Variants in MTSS1 observed in about 807,000 individuals in gnomAD.
MTSS1 encodes the protein MTSS I-BAR domain containing 1.
Under a neutral mutation model 79.0 loss-of-function variants are expected in MTSS1, and 18 were observed. The observed-to-expected ratio is 0.23, with a 90% CI of 0.16 to 0.34. The LOEUF is 0.34. MTSS1 is among the 10% of genes least tolerant of loss of function. The probability of loss-of-function intolerance (pLI) is 1.00; values close to 1 mark genes in which losing one functional copy is unlikely to be tolerated. For missense variants in MTSS1, 815 were observed against 986.2 expected (o/e 0.83, Z 2.33); for synonymous variants, 341 against 368.6 (o/e 0.93, Z 0.86).
At chr8:124,661,321 AG>A (rs1821984664) in intron 3 of MTSS1, among the ~76,000 whole-genome samples, 1 of 151,542 alleles carries the variant, frequency 6.6e-6, no homozygotes, top group South Asian at 2.1e-4. Context: ...ATTTTCTTCT[AG>A]GTTTTTTTTT....
At chr8:124,564,691 T>TCACACACACACACACACAAACACA (rs1826010480) in intron 9 of MTSS1, 1 of 144,306 alleles carries the variant, frequency 6.9e-6, no homozygotes, top group African/African-American at 2.5e-5. Flanking sequence ...TCTCTTTCAC[T>TCACACACACACACACACAAACACA]CACACACACA....
Position 124,562,785 on chromosome 8 carries a change from G to C in MTSS1, c.1032C>G (p.Asn344Lys), listed in dbSNP as rs772538205. The C allele has an allele frequency of 6.2e-7, 1 of 1,613,784 alleles. No individual in the cohort carries two copies. Among genetic ancestry groups the C allele is most frequent in the African/African-American group, 1.3e-5 (1 of 74,928 alleles). ...SPSPMPPEAP[N>K]QLSNGFSHYS... is the part of the protein sequence containing the mutation. Reference sequence around the variant, plus strand: ...CTGGAGCCAAGGGCACCCTTACCTGGTTGGGGGCCTCTGGCGGCATGGGGG... The same window carrying C: ...CTGGAGCCAAGGGCACCCTTACCTGCTTGGGGGCCTCTGGCGGCATGGGGG... The change falls in exon 10 of 14, where the codon AAC (asparagine) becomes AAG (lysine). Residue 344 changes from asparagine to lysine, a missense_variant. This residue lies in a region of MTSS1 where 590 missense variants were observed against 620.8 expected (regional missense o/e 0.95). Coordinates refer to ENST00000518547, the MANE Select transcript of MTSS1 (RefSeq NM_014751.6).
chr8:124,673,016 G>A (rs1587729239), intron 3 of MTSS1, among the ~76,000 whole-genome samples: 1 of 152,258 alleles, frequency 6.6e-6, no homozygotes, highest in East Asian at 1.9e-4. Context: ...TGCAAGCCAT[G>A]AGGATTTCCT....
intron 6 of MTSS1, among the ~76,000 whole-genome samples, chr8:124,571,793 G>A (rs756105675): frequency 5.3e-5 from 8 of 152,116 alleles, no homozygotes; most frequent in South Asian, 2.1e-4. Context: ...GTGAAACCCC[G>A]TCTCTACTAA....
intron 3 of MTSS1, among the ~76,000 whole-genome samples, chr8:124,644,799 G>A (rs921993904): frequency 3.4e-5 from 5 of 148,964 alleles, no homozygotes; most frequent in East Asian, 2.0e-4. Flanking sequence ...AATGGACATG[G>A]AGAAACCTAA....
chr8:124,610,454 T>A (rs1217044996), intron 3 of MTSS1, among the ~76,000 whole-genome samples: 1 of 152,174 alleles, frequency 6.6e-6, no homozygotes, highest in Non-Finnish European at 1.5e-5. Flanking sequence ...TGGCTGCGCA[T>A]AAAGAAGGGC....
At chr8:124,611,461 C>G (rs1325244955) in intron 3 of MTSS1, among the ~76,000 whole-genome samples, 2 of 152,180 alleles carry the variant, frequency 1.3e-5, no homozygotes, top group Non-Finnish European at 2.9e-5. Flanking sequence ...TGGCATCCCC[C>G]CATTACAGTG....
chr8:124,610,243 C>G (rs936216808), intron 3 of MTSS1, among the ~76,000 whole-genome samples: 1 of 152,104 alleles, frequency 6.6e-6, no homozygotes, highest in Non-Finnish European at 1.5e-5. Context: ...CGAATCAAGT[C>G]GTTTTATTTT....
intron 3 of MTSS1, among the ~76,000 whole-genome samples, chr8:124,656,461 CT>C (rs56809431): frequency 4.8e-3 from 688 of 142,990 alleles, no homozygotes; most frequent in Middle Eastern, 7.1e-3. Context: ...GAGCCAGGAC[CT>C]TTTTTTTTTT....
chr8:124,581,600 C>T (rs1010165820), intron 6 of MTSS1, among the ~76,000 whole-genome samples: 2 of 151,874 alleles, frequency 1.3e-5, no homozygotes, highest in African/African-American at 2.4e-5. Context: ...GGACTACAGG[C>T]GCCCGCCACC....
At chr8:124,695,404 T>C (rs1157043862) in intron 3 of MTSS1, among the ~76,000 whole-genome samples, 2 of 151,666 alleles carry the variant, frequency 1.3e-5, no homozygotes, top group African/African-American at 2.4e-5. Flanking sequence ...CTGGAGAAGG[T>C]AGATATCAAA....
intron 3 of MTSS1, among the ~76,000 whole-genome samples, chr8:124,622,437 C>T (rs902346811): frequency 2.0e-5 from 3 of 148,310 alleles, no homozygotes; most frequent in Non-Finnish European, 4.4e-5. Context: ...TTGAATTATA[C>T]CGGGGATTTC....
intron 3 of MTSS1, among the ~76,000 whole-genome samples, chr8:124,593,623 GCT>G (rs1832243917): frequency 6.6e-6 from 1 of 152,170 alleles, no homozygotes; most frequent in African/African-American, 2.4e-5. Flanking sequence ...GACGTACAGC[GCT>G]TAGGATGTGC....
chr8:124,586,082 A>G (rs1433505039), intron 5 of MTSS1, among the ~76,000 whole-genome samples: 1 of 152,104 alleles, frequency 6.6e-6, no homozygotes, highest in African/African-American at 2.4e-5. Flanking sequence ...AGACTGCCCC[A>G]TTTCTGTTGC....
At chr8:124,671,635 G>A (rs1450945841) in intron 3 of MTSS1, among the ~76,000 whole-genome samples, 2 of 152,176 alleles carry the variant, frequency 1.3e-5, no homozygotes, top group Non-Finnish European at 2.9e-5. Flanking sequence ...ATTGGAGAAG[G>A]ATTCATGGCA....
chr8:124,647,142 G>T (rs113439106), intron 3 of MTSS1, among the ~76,000 whole-genome samples: 1 of 152,136 alleles, frequency 6.6e-6, no homozygotes, highest in African/African-American at 2.4e-5. Flanking sequence ...GAGCCACCAC[G>T]CAGTCATTCC....
At chr8:124,586,485 C>G (rs952863898) in intron 5 of MTSS1, among the ~76,000 whole-genome samples, 3 of 152,180 alleles carry the variant, frequency 2.0e-5, no homozygotes, top group African/African-American at 7.2e-5. Flanking sequence ...CTCCCTGTAT[C>G]TCTCTCCCCC....
At chr8:124,694,223 C>T (rs1411259282) in intron 3 of MTSS1, among the ~76,000 whole-genome samples, 1 of 151,994 alleles carries the variant, frequency 6.6e-6, no homozygotes, top group Non-Finnish European at 1.5e-5. Flanking sequence ...GAGTACAGAG[C>T]GGACGACACA....
At chr8:124,626,584 G>T (rs1362597372) in intron 3 of MTSS1, among the ~76,000 whole-genome samples, 1 of 152,090 alleles carries the variant, frequency 6.6e-6, no homozygotes, top group Non-Finnish European at 1.5e-5. Context: ...GGGCTGGAGG[G>T]GGGCAGAGTG....
Sources: gnomAD v4.1 joint callset for allele counts (sites outside exome capture counted in the v4.1 genomes callset) on GRCh38, gnomAD v4.1.1 for gene constraint, gnomAD v4.1.1 regional missense constraint, MANE v1.5 for transcripts, NCBI Gene and HGNC (gene_info 2026-07-23, HGNC 2026-07-21) for gene names.